The following GRXCR1 variants were observed in gnomAD, a reference collection of about 807,000 sequenced individuals.
The protein encoded by GRXCR1 is glutaredoxin domain-containing cysteine-rich protein 1.
Under a neutral mutation model 27.3 loss-of-function variants are expected in GRXCR1, and 27 were observed. The observed-to-expected ratio is 0.99, with a 90% CI of 0.73 to 1.37. The LOEUF is 1.37. Ranked by LOEUF, GRXCR1 falls within the 40% of genes most tolerant of loss-of-function variation. The pLI is 0.00. For missense variants in GRXCR1, 379 were observed against 354.4 expected (o/e 1.07, Z -0.56); for synonymous variants, 122 against 131.1 (o/e 0.93, Z 0.47).
chr4:42,980,754 C>T (rs918415218), intron 2 of GRXCR1, among the ~76,000 whole-genome samples: 2 of 152,010 alleles, frequency 1.3e-5, no homozygotes, highest in Non-Finnish European at 2.9e-5. Context: ...ACTATTATTG[C>T]ATTGACATCT....
intron 1 of GRXCR1, among the ~76,000 whole-genome samples, chr4:42,901,075 C>T (rs1301654174): frequency 6.6e-6 from 1 of 152,124 alleles, no homozygotes; most frequent in Non-Finnish European, 1.5e-5. Flanking sequence ...GTAAATATCC[C>T]CTTTTTAAGG....
At chr4:43,016,867 G>T (rs12641055) in intron 2 of GRXCR1, among the ~76,000 whole-genome samples, 2 of 151,848 alleles carry the variant, frequency 1.3e-5, no homozygotes, top group Non-Finnish European at 1.5e-5. Flanking sequence ...TTTATTCCTC[G>T]AAATGTGTAT....
chr4:42,987,912 A>G (rs1001710116), intron 2 of GRXCR1, among the ~76,000 whole-genome samples: 38 of 152,196 alleles, frequency 2.5e-4, no homozygotes, highest in African/African-American at 7.2e-4. Flanking sequence ...TTTCCTTGCT[A>G]TCTACCTTCT....
chr4:43,007,282 T>G (rs1712593012), intron 2 of GRXCR1, among the ~76,000 whole-genome samples: 1 of 152,130 alleles, frequency 6.6e-6, no homozygotes, highest in South Asian at 2.1e-4. Context: ...GGAGCTGGGC[T>G]TGTTCTAGGA....
chr4:43,010,383 ACAAGAGAGAAACTC>A (rs1175090659), intron 2 of GRXCR1, among the ~76,000 whole-genome samples: 1 of 151,238 alleles, frequency 6.6e-6, no homozygotes, highest in Non-Finnish European at 1.5e-5. Flanking sequence ...AGCCTCGGTA[ACAAGAGAGAAACTC>A]CATCTCAAAA....
chr4:42,996,532 C>G (rs1359481895), intron 2 of GRXCR1, among the ~76,000 whole-genome samples: 2 of 151,994 alleles, frequency 1.3e-5, no homozygotes, highest in Non-Finnish European at 2.9e-5. Context: ...ACAAAAAAAT[C>G]TTGACCAATA....
At chr4:42,954,490 T>G (rs1747954268) in intron 1 of GRXCR1, among the ~76,000 whole-genome samples, 1 of 152,144 alleles carries the variant, frequency 6.6e-6, no homozygotes, top group Non-Finnish European at 1.5e-5. Flanking sequence ...CCTTTTCCCC[T>G]CTAACTCATT....
intron 3 of GRXCR1, among the ~76,000 whole-genome samples, chr4:43,020,827 C>T (rs988380798): frequency 1.3e-5 from 2 of 152,146 alleles, no homozygotes; most frequent in African/African-American, 4.8e-5. Flanking sequence ...ACTTGTGTCT[C>T]CAAAAAGCAC....
intron 1 of GRXCR1, among the ~76,000 whole-genome samples, chr4:42,946,353 A>AT (rs1747744436): frequency 6.6e-6 from 1 of 152,062 alleles, no homozygotes; most frequent in Admixed American, 6.6e-5. Context: ...CATTATTGGT[A>AT]TTTTTCTTTT....
chr4:43,014,054 CAAAA>C (rs3047831), intron 2 of GRXCR1, among the ~76,000 whole-genome samples: 3 of 123,728 alleles, frequency 2.4e-5, no homozygotes, highest in Non-Finnish European at 3.6e-5. Context: ...TACATAATTG[CAAAA>C]AAAAAAAAAA....
chr4:42,935,938 G>T (rs1364809081), intron 1 of GRXCR1, among the ~76,000 whole-genome samples: 1 of 151,796 alleles, frequency 6.6e-6, no homozygotes, highest in Non-Finnish European at 1.5e-5. Flanking sequence ...TTTTAAAAGG[G>T]GGGAATGTAA....
chr4:43,007,549 G>A (rs1226269874), intron 2 of GRXCR1, among the ~76,000 whole-genome samples: 2 of 152,202 alleles, frequency 1.3e-5, no homozygotes, highest in African/African-American at 4.8e-5. Flanking sequence ...GAGGTTGGAG[G>A]CAAGCAAGAA....
intron 2 of GRXCR1, among the ~76,000 whole-genome samples, chr4:42,987,228 A>ATT (rs1161291783): frequency 7.6e-5 from 7 of 91,908 alleles, no homozygotes; most frequent in African/African-American, 3.0e-4. Context: ...TATATTATAT[A>ATT]TTATATATAT....
chr4:42,956,644 T>TA (rs1748010994), intron 1 of GRXCR1, among the ~76,000 whole-genome samples: 1 of 152,114 alleles, frequency 6.6e-6, no homozygotes, highest in Non-Finnish European at 1.5e-5. Context: ...CTATACTTTC[T>TA]ACCCTGAATT....
At chr4:42,905,116 A>G (rs542869065) in intron 1 of GRXCR1, among the ~76,000 whole-genome samples, 15 of 152,264 alleles carry the variant, frequency 9.9e-5, no homozygotes, top group South Asian at 2.1e-4. Flanking sequence ...CTTGCGGCCA[A>G]TTCCTCTCTT....
At chr4:42,964,811 C>G (rs563147020) in intron 2 of GRXCR1, among the ~76,000 whole-genome samples, 1 of 152,034 alleles carries the variant, frequency 6.6e-6, no homozygotes, top group African/African-American at 2.4e-5. Context: ...GCTATATTGC[C>G]TCATCATATT....
At chr4:42,968,240 A>G (rs1225552562) in intron 2 of GRXCR1, among the ~76,000 whole-genome samples, 1 of 152,122 alleles carries the variant, frequency 6.6e-6, no homozygotes, top group Non-Finnish European at 1.5e-5. Flanking sequence ...TTGGGTAGCC[A>G]TAGAGCTCAT....
intron 1 of GRXCR1, among the ~76,000 whole-genome samples, chr4:42,915,138 G>A (rs1746856816): frequency 6.6e-6 from 1 of 152,154 alleles, no homozygotes; most frequent in Admixed American, 6.5e-5. Flanking sequence ...TCAGTCTAGT[G>A]TTGAGTGGGC....
intron 2 of GRXCR1, among the ~76,000 whole-genome samples, chr4:43,006,255 A>C (rs1270403690): frequency 6.6e-6 from 1 of 152,136 alleles, no homozygotes; most frequent in Non-Finnish European, 1.5e-5. Context: ...GCAATATGAA[A>C]TGTGGGCACC....
Sources: gnomAD v4.1 joint callset for allele counts (sites outside exome capture counted in the v4.1 genomes callset) on GRCh38, gnomAD v4.1.1 for gene constraint, MANE v1.5 for transcripts, NCBI Gene and HGNC (gene_info 2026-07-23, HGNC 2026-07-21) for gene names.